The following RAB28 variants were observed in gnomAD, a reference collection of about 807,000 sequenced individuals.
The protein encoded by RAB28 is RAB28, member RAS oncogene family, also known as ras-related protein Rab-28.
Under a neutral mutation model 31.7 loss-of-function variants are expected in RAB28, and 24 were observed. The ratio of observed to expected loss-of-function variants is 0.76; its 90% CI spans 0.55 to 1.06. The LOEUF is 1.06. Ranked by LOEUF, RAB28 falls within the 50% of genes least tolerant of loss-of-function variation. RAB28 has a pLI of 0.00. For missense variants in RAB28, 254 were observed against 258.5 expected (o/e 0.98, Z 0.12); for synonymous variants, 100 against 90.4 (o/e 1.11, Z -0.60).
intron 3 of RAB28, among the ~76,000 whole-genome samples, chr4:13,468,954 C>A (rs892037749): frequency 6.6e-6 from 1 of 151,708 alleles, no homozygotes; most frequent in Admixed American, 6.6e-5. Context: ...ACAAATTTGA[C>A]AATATAAATA....
chr4:13,461,528 T>C (rs1715591544), intron 3 of RAB28, among the ~76,000 whole-genome samples: 1 of 152,194 alleles, frequency 6.6e-6, no homozygotes, highest in Admixed American at 6.5e-5. Context: ...CAGGACACAC[T>C]ACATATAGTT....
chr4:13,407,346 G>T (rs934942517), intron 4 of RAB28, among the ~76,000 whole-genome samples: 9 of 152,132 alleles, frequency 5.9e-5, no homozygotes, highest in African/African-American at 1.7e-4. Flanking sequence ...TGAGGCCTCT[G>T]TTCTGTTCCA....
intron 4 of RAB28, among the ~76,000 whole-genome samples, chr4:13,441,924 G>A (rs540709920): frequency 2.6e-5 from 4 of 152,214 alleles, no homozygotes; most frequent in East Asian, 1.9e-4. Context: ...TGAGCTCATC[G>A]TCCTCTATTG....
chr4:13,402,241 A>G (rs1341118618), intron 4 of RAB28, among the ~76,000 whole-genome samples: 1 of 152,202 alleles, frequency 6.6e-6, no homozygotes, highest in Non-Finnish European at 1.5e-5. Context: ...GTAAATGTCT[A>G]TTAGGTCTAG....
At chr4:13,470,499 T>C (rs931843651) in intron 3 of RAB28, among the ~76,000 whole-genome samples, 3 of 152,066 alleles carry the variant, frequency 2.0e-5, no homozygotes, top group African/African-American at 4.8e-5. Flanking sequence ...TGGCACACAA[T>C]AGTAGTTATG....
intron 4 of RAB28, among the ~76,000 whole-genome samples, chr4:13,419,808 T>C (rs1713015603): frequency 6.6e-6 from 1 of 152,076 alleles, no homozygotes; most frequent in African/African-American, 2.4e-5. Flanking sequence ...AGGAAAGATC[T>C]AAAATCAACA....
At chr4:13,437,839 A>T (rs1714208132) in intron 4 of RAB28, among the ~76,000 whole-genome samples, 1 of 151,950 alleles carries the variant, frequency 6.6e-6, no homozygotes, top group South Asian at 2.1e-4. Flanking sequence ...CAGCAATCCC[A>T]CTACTGACTA....
At chr4:13,448,111 T>C (rs974079140) in intron 4 of RAB28, among the ~76,000 whole-genome samples, 3 of 152,110 alleles carry the variant, frequency 2.0e-5, no homozygotes, top group Non-Finnish European at 4.4e-5. Flanking sequence ...AGTTTTCTGA[T>C]ACCCAGTCTA....
At chr4:13,374,678 C>G (rs192341394) in intron 6 of RAB28, among the ~76,000 whole-genome samples, 6 of 152,216 alleles carry the variant, frequency 3.9e-5, no homozygotes, top group South Asian at 2.1e-4. Context: ...CCTATTGGTT[C>G]TTCTTTAAAA....
intron 4 of RAB28, among the ~76,000 whole-genome samples, chr4:13,446,779 AC>A (rs1355892186): frequency 6.6e-6 from 1 of 151,694 alleles, no homozygotes; most frequent in Non-Finnish European, 1.5e-5. Context: ...TGCAGACAGG[AC>A]CCTGTTTCTA....
At chr4:13,429,048 G>A (rs959280992) in intron 4 of RAB28, among the ~76,000 whole-genome samples, 3 of 151,070 alleles carry the variant, frequency 2.0e-5, no homozygotes, top group African/African-American at 7.3e-5. Flanking sequence ...AGGTTCAAGT[G>A]ATTCTCCTGC....
chr4:13,420,671 A>C (rs553458196), intron 4 of RAB28, among the ~76,000 whole-genome samples: 1 of 152,352 alleles, frequency 6.6e-6, no homozygotes, highest in South Asian at 2.1e-4. Flanking sequence ...TGATTATCTC[A>C]ATAGATGCAG....
At chr4:13,414,398 AACTG>A (rs1456069366) in intron 4 of RAB28, among the ~76,000 whole-genome samples, 5 of 152,324 alleles carry the variant, frequency 3.3e-5, no homozygotes, top group Admixed American at 6.5e-5. Context: ...AAATAACCCA[AACTG>A]ACTGGGAATA....
At chr4:13,378,619 T>A (rs1289892920) in intron 5 of RAB28, among the ~76,000 whole-genome samples, 1 of 151,838 alleles carries the variant, frequency 6.6e-6, no homozygotes, top group African/African-American at 2.4e-5. Context: ...GGAAAAAAAA[T>A]AATACATATG....
chr4:13,464,682 A>G (rs567813412), intron 3 of RAB28, among the ~76,000 whole-genome samples: 58 of 152,260 alleles, frequency 3.8e-4, no homozygotes, highest in African/African-American at 1.3e-3. Flanking sequence ...ACCCACAGCT[A>G]AAGTAAACAC....
chr4:13,404,704 A>C (rs1711971413), intron 4 of RAB28, among the ~76,000 whole-genome samples: 1 of 152,168 alleles, frequency 6.6e-6, no homozygotes, highest in Non-Finnish European at 1.5e-5. Context: ...TAACTTATGG[A>C]TATATAAATG....
At chr4:13,454,074 T>G (rs1715156560) in intron 4 of RAB28, among the ~76,000 whole-genome samples, 1 of 152,152 alleles carries the variant, frequency 6.6e-6, no homozygotes, top group Non-Finnish European at 1.5e-5. Context: ...TTCAAAAGGC[T>G]TGTCTTCAAG....
At chr4:13,447,872 A>C (rs1714777608) in intron 4 of RAB28, among the ~76,000 whole-genome samples, 1 of 152,188 alleles carries the variant, frequency 6.6e-6, no homozygotes, top group Non-Finnish European at 1.5e-5. Flanking sequence ...TAAACTACAA[A>C]TGAAGTTAAA....
chr4:13,410,916 G>A (rs1249149757), intron 4 of RAB28, among the ~76,000 whole-genome samples: 1 of 152,040 alleles, frequency 6.6e-6, no homozygotes, highest in Non-Finnish European at 1.5e-5. Flanking sequence ...AAAAATAAAA[G>A]AAAGGGAGAA....
Sources: allele counts gnomAD v4.1 joint callset (sites outside exome capture counted in the v4.1 genomes callset), GRCh38; gene constraint gnomAD v4.1.1; transcripts MANE v1.5; gene names NCBI Gene and HGNC (gene_info 2026-07-23, HGNC 2026-07-21).